Variants in AP3D1 observed in about 807,000 individuals in gnomAD.
The protein encoded by AP3D1 is AP-3 complex subunit delta-1.
Under a neutral mutation model 147.6 loss-of-function variants are expected in AP3D1, and 51 were observed. That is an observed-to-expected ratio of 0.35 (90% confidence interval 0.28 to 0.44). The LOEUF is 0.44. Ranked by LOEUF, AP3D1 falls within the 20% of genes least tolerant of loss-of-function variation. The pLI is 1.00. For synonymous variants in AP3D1, 760 were observed against 663.0 expected, an observed-to-expected ratio of 1.15 and a Z score of -2.25; for missense variants, 1,421 against 1,624.2, an observed-to-expected ratio of 0.87 and a Z score of 2.15.
intron 20 of AP3D1, 34 bp from the exon 21 acceptor site, chr19:2,114,855 C>A (rs1223393255): frequency 6.2e-6 from 10 of 1,610,886 alleles, no homozygotes; most frequent in Admixed American, 1.7e-5. Flanking sequence ...TCACTGGAAC[C>A]CGCCCTTGTG....
chr19:2,130,517 G>A lies in AP3D1; in HGVS notation c.483C>T (p.Tyr161=), dbSNP rs1324857795. 1.9e-6 allele frequency: 3 copies of A among 1,614,054 alleles called. No individual in the cohort carries two copies. Among genetic ancestry groups the A allele is most frequent in the South Asian group, 2.2e-5 (2 of 91,088 alleles). ...TGATCAGCACAGCCTTCTTCCTGAT[G>A]TAGGGCTTGGTGTGTGACATCTGCG... ...IMTLMSHTKP[Y]IRKKAVLIMY... is the part of the protein sequence containing the mutation. Residue 161 remains tyrosine, a synonymous_variant, in exon 6 of 32, where the codon TAC becomes TAT. Coordinates refer to ENST00000643116, the MANE Select transcript of AP3D1 (RefSeq NM_001261826.3).
intron 1 of AP3D1, chr19:2,164,260 G>T: frequency 7.9e-7 from 1 of 1,273,820 alleles, no homozygotes. Context: ...GCCGCTGCCG[G>T]TCTACGTGAG....
intron 20 of AP3D1, 44 bp from the exon 21 acceptor site, chr19:2,114,865 G>A: frequency 6.2e-7 from 1 of 1,602,720 alleles, no homozygotes; most frequent in Non-Finnish European, 8.5e-7. Flanking sequence ...CCGCCCTTGT[G>A]GCCTGGTGGA....
intron 1 of AP3D1, among the ~76,000 whole-genome samples, chr19:2,139,535 G>A (rs1466822939): frequency 2.6e-5 from 4 of 152,196 alleles, no homozygotes; most frequent in South Asian, 2.1e-4. Context: ...ACAGGCAGAC[G>A]TGAGGCGCCC....
Position 2,109,791 on chromosome 19 carries a change from A to G in AP3D1, c.3350+82T>C, listed in dbSNP as rs894537139. ...CTCTAAAGTCCTGCCCAGAAGCCTC[A>G]GTCCCCGGGGCACAGGTGTCTGCAA... On this transcript the variant is annotated intron_variant, in intron 29 of 31. Transcript: ENST00000643116. 109 of 1,337,200 alleles carry G rather than the reference A, an allele frequency of 8.2e-5. No individual in the cohort carries two copies. The African/African-American group carries it at 1.4e-3, about 17-fold the overall frequency. 82.8% of individuals were successfully genotyped at this position (1,337,200 alleles called of 1,614,324 possible).
chr19:2,163,435 G>C (rs1243400886), intron 1 of AP3D1, among the ~76,000 whole-genome samples: 1 of 150,940 alleles, frequency 6.6e-6, no homozygotes, highest in Non-Finnish European at 1.5e-5. Context: ...CAGGTGATCT[G>C]CCCGCCTTGG....
chr19:2,144,458 G>A (rs911727960), intron 1 of AP3D1, among the ~76,000 whole-genome samples: 4 of 152,102 alleles, frequency 2.6e-5, no homozygotes, highest in Admixed American at 6.6e-5. Context: ...ACACTAACAC[G>A]CAACAGGGCA....
At chr19:2,145,904 C>T (rs577623139) in intron 1 of AP3D1, among the ~76,000 whole-genome samples, 1 of 152,370 alleles carries the variant, frequency 6.6e-6, no homozygotes, top group Admixed American at 6.5e-5. Flanking sequence ...AATGAGTGAA[C>T]CGCACTCATA....
At chr19:2,123,772 G>T (rs2018675047) in intron 10 of AP3D1, 58 bp downstream of exon 10, 4 of 1,540,534 alleles carry the variant, frequency 2.6e-6, no homozygotes, top group Non-Finnish European at 3.5e-6. Flanking sequence ...CCCGCCTGTG[G>T]AAAGGTGTGG....
chr19:2,110,156 T>G lies in AP3D1; in HGVS notation c.3244A>C (p.Thr1082Pro). ...CATACCTTGGCAATGAAGGACAGGG[T>G]CCCCTTGAGCTTCTGCGCCATGACG... ...SIVMAQKLKG[T>P]LSFIAKNDEG... Residue 1082 changes from threonine (T) to proline (P), a missense_variant, in exon 28 of 32, where the codon ACC (threonine) becomes CCC (proline). This residue lies in a region of AP3D1 where 791 missense variants were observed against 761.4 expected (regional missense o/e 1.04). Coordinates refer to ENST00000643116, the MANE Select transcript of AP3D1 (RefSeq NM_001261826.3). The G allele has an allele frequency of 6.2e-7, 1 of 1,612,698 alleles. No individual in the cohort carries two copies. Among genetic ancestry groups the G allele is most frequent in the Non-Finnish European group, 8.5e-7 (1 of 1,179,846 alleles).
In AP3D1 at chr19:2,123,410, A is replaced by T. The variant is rs752522175; in HGVS notation, c.907-4T>A. The T allele has an allele frequency of 1.2e-5, 20 of 1,613,824 alleles. No homozygotes were observed. The African/African-American group carries it at 2.5e-4, about 20-fold the overall frequency. On this transcript the variant is annotated splice_polypyrimidine_tract_variant and splice_region_variant and intron_variant, in intron 10 of 31. Coordinates refer to ENST00000643116, the MANE Select transcript of AP3D1 (RefSeq NM_001261826.3). ...TCCTTAATTTCTGAACACAAAGCTG[A>T]AAAGAAGAAAAAAACGATGCTGGTT...
intron 29 of AP3D1, 49 bp downstream of exon 29, chr19:2,109,824 G>C (rs772305509): frequency 1.7e-5 from 26 of 1,558,964 alleles, no homozygotes; most frequent in Non-Finnish European, 2.2e-5. Flanking sequence ...CAAGGTAGAG[G>C]GGAGGCGGAG....
intron 1 of AP3D1, among the ~76,000 whole-genome samples, chr19:2,143,462 G>A (rs376582638): frequency 6.6e-6 from 1 of 151,196 alleles, no homozygotes; most frequent in Non-Finnish European, 1.5e-5. Flanking sequence ...GGATGGTCTC[G>A]ATCTCCTGAC....
chr19:2,153,039 A>G (rs2019590313), upstream of AP3D1, among the ~76,000 whole-genome samples: 1 of 148,068 alleles, frequency 6.8e-6, no homozygotes, highest in African/African-American at 2.5e-5. Flanking sequence ...CTAGAGCAAT[A>G]TAGTCAGACA....
chr19:2,126,623 A>C (rs2018762955), intron 9 of AP3D1, among the ~76,000 whole-genome samples: 1 of 149,142 alleles, frequency 6.7e-6, no homozygotes, highest in Non-Finnish European at 1.5e-5. Flanking sequence ...ACTGCCCTCC[A>C]GCCTGGGCAA....
Position 2,126,350 on chromosome 19 carries a change from TCTGC to T in AP3D1, c.856+798_856+801del, listed in dbSNP as rs200774293. On this transcript the variant is annotated intron_variant, in intron 9 of 31. Coordinates refer to ENST00000643116, the MANE Select transcript of AP3D1 (RefSeq NM_001261826.3). The stretch of plus-strand genomic sequence containing the variant: ...CCCAGCCGGAGGTGTGGATTCTGAC[TCTGC>T]CTTAGAAAATATTTTTGTGGGCCAG... 1.9e-3 allele frequency among the ~76,000 whole-genome samples: 286 copies of T among 151,918 alleles called. 19 individuals carry two copies. In the East Asian group the frequency reaches 0.049, roughly 26 times the overall value.
chr19:2,143,103 G>A (rs1051267923), intron 1 of AP3D1, among the ~76,000 whole-genome samples: 2 of 151,214 alleles, frequency 1.3e-5, no homozygotes, highest in Admixed American at 6.6e-5. Flanking sequence ...TCACTCTATC[G>A]TCCAAGTTGG....
At position 2,124,413 on chromosome 19, in the gene AP3D1, G is replaced by A. The variant is rs113245662; in HGVS notation, c.857-534C>T. On this transcript the variant is annotated intron_variant, in intron 9 of 31. Transcript: ENST00000643116. ...CTGACTCTGCTGCGTCCTTTGGGCA[G>A]GGACAGGCAGGCAGCGAGAAGCCGA... Among the ~76,000 whole-genome samples, 712 of 152,328 alleles carry A rather than the reference G, an allele frequency of 4.7e-3. 5 individuals carry two copies. The highest frequency in any genetic ancestry group is 8.3e-3 in the South Asian group (40 of 4,826).
intron 30 of AP3D1, 85 bp from the exon 31 acceptor site, chr19:2,108,851 T>C (rs2018184575): frequency 1.4e-6 from 2 of 1,454,686 alleles, no homozygotes; most frequent in Non-Finnish European, 1.9e-6. Context: ...CTTCTTGGGC[T>C]GCCCTTGGCC....
Sources: allele counts gnomAD v4.1 joint callset (sites outside exome capture counted in the v4.1 genomes callset), GRCh38; gene constraint gnomAD v4.1.1; regional missense constraint gnomAD v4.1.1; transcripts MANE v1.5; gene names NCBI Gene and HGNC (gene_info 2026-07-23, HGNC 2026-07-21).